Variants in NUP35 observed in about 807,000 individuals in gnomAD.
The protein encoded by NUP35 is nucleoporin NUP35.
NUP35 carries 25 observed loss-of-function variants against 41.5 expected under a neutral mutation model. The observed-to-expected ratio is 0.60, with a 90% CI of 0.44 to 0.84. The LOEUF (loss-of-function observed/expected upper bound fraction) is 0.84, where lower values mean the gene tolerates loss of function less well. Ranked by LOEUF, NUP35 falls within the 40% of genes least tolerant of loss-of-function variation. The pLI is 0.00. For synonymous variants in NUP35, 149 were observed against 130.7 expected (o/e 1.14, Z -0.96); for missense variants, 396 against 396.6 (o/e 1.00, Z 0.01).
chr2:183,145,583 C>G (rs1685252108), intron 4 of NUP35, among the ~76,000 whole-genome samples: 1 of 152,062 alleles, frequency 6.6e-6, no homozygotes, highest in African/African-American at 2.4e-5. Flanking sequence ...AAAAGCTATC[C>G]AGTATAGTTG....
chr2:183,130,620 T>G (rs1684665034), intron 3 of NUP35, 75 bp downstream of exon 3: 2 of 1,438,520 alleles, frequency 1.4e-6, no homozygotes, highest in Non-Finnish European at 1.9e-6. Context: ...GAGTCAATAC[T>G]TTGAAATGTT....
upstream of NUP35, among the ~76,000 whole-genome samples, chr2:183,123,978 C>T (rs1040607495): frequency 1.3e-5 from 2 of 152,082 alleles, no homozygotes; most frequent in Non-Finnish European, 2.9e-5. Flanking sequence ...AAATGGCATA[C>T]GGATAGTAGA....
chr2:183,128,280 C>G lies in NUP35; in HGVS notation c.41-7C>G, dbSNP rs778153369. ...AAAGTCCTTAATTTATTTTTTGATT[C>G]ATGTAGGATCTGAACCAATGATGCT... On this transcript the variant is annotated splice_polypyrimidine_tract_variant and splice_region_variant and intron_variant, in intron 1 of 8. Coordinates refer to ENST00000295119, the MANE Select transcript of NUP35 (RefSeq NM_138285.5). 1.9e-6 allele frequency: 3 copies of G among 1,561,960 alleles called. No homozygotes were observed. Among genetic ancestry groups the G allele is most frequent in the African/African-American group, 1.4e-5 (1 of 73,218 alleles).
chr2:183,135,360 C>A (rs751473869), intron 4 of NUP35, among the ~76,000 whole-genome samples: 27 of 151,812 alleles, frequency 1.8e-4, no homozygotes, highest in Non-Finnish European at 3.5e-4. Flanking sequence ...CTGGGGTGTT[C>A]AAGGAAGAAT....
intron 6 of NUP35, 45 bp downstream of exon 6, chr2:183,157,558 A>G (rs750420872): frequency 1.2e-5 from 16 of 1,294,244 alleles, no homozygotes; most frequent in Non-Finnish European, 1.6e-5. Context: ...CTAAAGAGGG[A>G]TAAGTTGTGA....
At chr2:183,136,943 A>G (rs952934749) in intron 4 of NUP35, among the ~76,000 whole-genome samples, 2 of 152,132 alleles carry the variant, frequency 1.3e-5, no homozygotes, top group African/African-American at 4.8e-5. Context: ...TATAAAAATT[A>G]GCCAGGCATG....
intron 4 of NUP35, among the ~76,000 whole-genome samples, chr2:183,150,433 A>G (rs569797952): frequency 3.9e-5 from 6 of 152,140 alleles, no homozygotes; most frequent in Admixed American, 6.5e-5. Context: ...TCTAAGACCA[A>G]TCATGTCTTT....
chr2:183,139,207 TCTTTC>T (rs1361249092), intron 4 of NUP35, among the ~76,000 whole-genome samples: 175 of 86,626 alleles, frequency 2.0e-3, no homozygotes, highest in Non-Finnish European at 3.3e-3. Context: ...TGCATTTCTT[TCTTTC>T]TTTTTTTTTT....
At chr2:183,120,427 CAG>C (rs1353293119), upstream of NUP35, among the ~76,000 whole-genome samples, 1 of 128,226 alleles carries the variant, frequency 7.8e-6, no homozygotes, top group Non-Finnish European at 1.5e-5. Flanking sequence ...GCCTGGATGA[CAG>C]AGTGAGACTC....
upstream of NUP35, chr2:183,123,870 G>T (rs1198419242): frequency 1.1e-6 from 1 of 937,894 alleles, no homozygotes; most frequent in Admixed American, 6.2e-5. Context: ...TACTTTATGC[G>T]TTCGTTAGCT....
chr2:183,154,742 T>C (rs771924396), intron 5 of NUP35, among the ~76,000 whole-genome samples: 2 of 152,176 alleles, frequency 1.3e-5, no homozygotes, highest in Non-Finnish European at 2.9e-5. Flanking sequence ...TATTAGCCAG[T>C]TCCAATGTCA....
At chr2:183,144,988 A>G (rs1047079368) in intron 4 of NUP35, among the ~76,000 whole-genome samples, 1 of 152,040 alleles carries the variant, frequency 6.6e-6, no homozygotes, top group Admixed American at 6.5e-5. Flanking sequence ...AGATTATTAC[A>G]TGATGTAGCA....
intron 1 of NUP35, among the ~76,000 whole-genome samples, chr2:183,126,642 G>GTTTTT (rs71008267): frequency 2.7e-4 from 39 of 145,836 alleles, no homozygotes; most frequent in South Asian, 1.3e-3. Flanking sequence ...TATTGAATTT[G>GTTTTT]TTTTTTTTTT....
chr2:183,143,988 T>C (rs929722652), intron 4 of NUP35, among the ~76,000 whole-genome samples: 1 of 152,252 alleles, frequency 6.6e-6, no homozygotes, highest in Non-Finnish European at 1.5e-5. Flanking sequence ...ATGATCACTT[T>C]AGACCAGCTG....
intron 4 of NUP35, among the ~76,000 whole-genome samples, chr2:183,143,090 A>G (rs1215356597): frequency 2.0e-5 from 3 of 149,462 alleles, no homozygotes; most frequent in Non-Finnish European, 4.4e-5. Flanking sequence ...CGGGAGGCGG[A>G]GCTTGCAGTG....
upstream of NUP35, among the ~76,000 whole-genome samples, chr2:183,119,692 G>A (rs928446460): frequency 1.3e-5 from 2 of 152,014 alleles, no homozygotes; most frequent in Admixed American, 1.3e-4. Context: ...TTTTTGGAGG[G>A]GGGTGGGCAG....
upstream of NUP35, among the ~76,000 whole-genome samples, chr2:183,119,581 T>A (rs893903404): frequency 6.6e-6 from 1 of 152,002 alleles, no homozygotes; most frequent in Admixed American, 6.6e-5. Flanking sequence ...AGAAATACAA[T>A]GTGAAGAGCT....
At chr2:183,119,540 A>G (rs961884628), upstream of NUP35, among the ~76,000 whole-genome samples, 1 of 152,200 alleles carries the variant, frequency 6.6e-6, no homozygotes, top group African/African-American at 2.4e-5. Context: ...TGGAAAGCTA[A>G]GGGATGCTAG....
chr2:183,125,253 A>G (rs372936129), intron 1 of NUP35, among the ~76,000 whole-genome samples: 3 of 151,876 alleles, frequency 2.0e-5, no homozygotes, highest in Admixed American at 6.5e-5. Context: ...AAAAAAATCT[A>G]CCACTTTAAC....
Sources: gnomAD v4.1 joint callset for allele counts (sites outside exome capture counted in the v4.1 genomes callset) on GRCh38, gnomAD v4.1.1 for gene constraint, MANE v1.5 for transcripts, NCBI Gene and HGNC (gene_info 2026-07-23, HGNC 2026-07-21) for gene names.